SPAG16: variants seen among roughly 807,000 people sequenced by gnomAD.
SPAG16 encodes sperm-associated antigen 16 protein.
In SPAG16, 86 loss-of-function variants were observed where a neutral mutation model predicts 80.4. That is an observed-to-expected ratio of 1.07 (90% confidence interval 0.90 to 1.28). SPAG16 has a LOEUF of 1.28. Among genes scored for constraint, SPAG16 ranks in the 50% most tolerant of loss-of-function variants. The pLI, the probability that SPAG16 is intolerant of heterozygous loss-of-function variation, is 0.00. For synonymous variants in SPAG16, 294 were observed against 265.9 expected, an observed-to-expected ratio of 1.11 and a Z score of -1.03; for missense variants, 870 against 765.3, an observed-to-expected ratio of 1.14 and a Z score of -1.61.
intron 15 of SPAG16, among the ~76,000 whole-genome samples, chr2:214,221,761 C>A (rs2058576467): frequency 6.6e-6 from 1 of 151,972 alleles, no homozygotes; most frequent in Admixed American, 6.6e-5. Flanking sequence ...AAAAATATTT[C>A]ATGTTATTTT....
chr2:213,991,067 C>T (rs142102853), intron 12 of SPAG16, among the ~76,000 whole-genome samples: 126 of 152,048 alleles, frequency 8.3e-4, no homozygotes, highest in African/African-American at 2.7e-3. Context: ...AGGTTTGCTA[C>T]GTAGGTATAC....
chr2:213,914,949 C>T (rs1489895252), intron 11 of SPAG16, among the ~76,000 whole-genome samples: 2 of 152,008 alleles, frequency 1.3e-5, no homozygotes, highest in African/African-American at 4.8e-5. Context: ...AGCCTATTCT[C>T]ACACTGCTGA....
chr2:213,341,745 T>C (rs1170225206), intron 6 of SPAG16, among the ~76,000 whole-genome samples: 1 of 152,132 alleles, frequency 6.6e-6, no homozygotes, highest in Non-Finnish European at 1.5e-5. Context: ...CTCACTTTGT[T>C]GATCAGGTTG....
intron 10 of SPAG16, among the ~76,000 whole-genome samples, chr2:213,710,051 G>A (rs1290248017): frequency 1.3e-5 from 2 of 152,052 alleles, no homozygotes; most frequent in Admixed American, 6.6e-5. Flanking sequence ...GGCGGATCAC[G>A]AGGCAGGCAG....
At chr2:214,003,597 A>G (rs538981327) in intron 12 of SPAG16, among the ~76,000 whole-genome samples, 2 of 152,314 alleles carry the variant, frequency 1.3e-5, no homozygotes, top group East Asian at 1.9e-4. Context: ...AGGCAGTTAT[A>G]TTCTATAAAG....
At chr2:213,847,310 A>C (rs2074679977) in intron 10 of SPAG16, among the ~76,000 whole-genome samples, 1 of 152,158 alleles carries the variant, frequency 6.6e-6, no homozygotes, top group Non-Finnish European at 1.5e-5. Context: ...TTTATAAAGA[A>C]AAGAGGTTTA....
intron 9 of SPAG16, among the ~76,000 whole-genome samples, chr2:213,442,006 G>C (rs1032316822): frequency 1.3e-5 from 2 of 152,188 alleles, no homozygotes; most frequent in Non-Finnish European, 2.9e-5. Context: ...TAAAAAGTTA[G>C]CCGTAGTGGC....
intron 15 of SPAG16, among the ~76,000 whole-genome samples, chr2:214,352,163 C>CA (rs1221255780): frequency 5.9e-5 from 9 of 152,176 alleles, no homozygotes; most frequent in African/African-American, 2.2e-4. Context: ...GGTCCCACCT[C>CA]TTAATACCAT....
intron 8 of SPAG16, among the ~76,000 whole-genome samples, chr2:213,370,215 T>G (rs886274109): frequency 6.6e-6 from 1 of 152,204 alleles, no homozygotes; most frequent in Admixed American, 6.5e-5. Flanking sequence ...ATGTTTATAG[T>G]GGATCCTACA....
intron 10 of SPAG16, among the ~76,000 whole-genome samples, chr2:213,746,240 T>C (rs923609639): frequency 1.3e-5 from 2 of 152,236 alleles, no homozygotes; most frequent in Non-Finnish European, 2.9e-5. Flanking sequence ...TTAAGTGCCA[T>C]CCATCTAAAG....
At position 213,364,130 on chromosome 2, in the gene SPAG16, G is replaced by T; in HGVS notation, c.817G>T (p.Gly273Cys). Residue 273 changes from glycine to cysteine, a missense_variant, in exon 8 of 16, where the codon GGT becomes TGT. Gly to Cys is a radical substitution (Grantham distance 159). Coordinates refer to ENST00000331683, the MANE Select transcript of SPAG16 (RefSeq NM_024532.5). ...KKLQRGHSYH[G>C]PQIKVDHSRE... ...ACTGCAAAGAGGACATAGTTACCAT[G>T]GTCCTCAAATTAAAGGTAAATGTAA... 2 of 1,518,120 alleles carry T rather than the reference G, an allele frequency of 1.3e-6. No homozygotes were observed. The highest frequency in any genetic ancestry group is 2.7e-5 in the South Asian group (2 of 73,658). The allele number at this position is 1,518,120 out of a possible 1,614,324, so 94.0% of individuals were successfully genotyped here.
intron 9 of SPAG16, among the ~76,000 whole-genome samples, chr2:213,452,795 T>A (rs768541268): frequency 7.2e-5 from 11 of 152,244 alleles, no homozygotes; most frequent in Non-Finnish European, 1.5e-4. Context: ...GGCCTTTGCA[T>A]ATGCCCTAAC....
At chr2:214,079,583 C>T (rs2051259911) in intron 13 of SPAG16, among the ~76,000 whole-genome samples, 1 of 152,162 alleles carries the variant, frequency 6.6e-6, no homozygotes, top group African/African-American at 2.4e-5. Flanking sequence ...TCAAGCAATA[C>T]CTAGAACCTG....
chr2:213,348,770 T>C (rs2065156869), intron 6 of SPAG16, among the ~76,000 whole-genome samples: 1 of 152,242 alleles, frequency 6.6e-6, no homozygotes, highest in African/African-American at 2.4e-5. Context: ...TGGGCTTCCC[T>C]TTGTGACTAA....
At chr2:214,244,866 T>A (rs1549116) in intron 15 of SPAG16, among the ~76,000 whole-genome samples, 48,371 of 151,938 alleles carry the variant, frequency 0.32, 7,861 homozygotes, top group East Asian at 0.5. Flanking sequence ...TGTTTAGAAG[T>A]TTCTGTAGTC....
intron 15 of SPAG16, among the ~76,000 whole-genome samples, chr2:214,356,096 G>A (rs986667129): frequency 9.9e-5 from 15 of 151,028 alleles, no homozygotes; most frequent in African/African-American, 3.2e-4. Context: ...TGGAAATGAC[G>A]AGTTAATGAG....
Position 213,317,288 on chromosome 2 carries a change from G to T in SPAG16, c.468G>T (p.Gln156His), listed in dbSNP as rs1047599633. The T allele has an allele frequency of 1.2e-5, 19 of 1,611,196 alleles. No homozygotes were observed. Among genetic ancestry groups the T allele is most frequent in the Non-Finnish European group, 1.4e-5 (17 of 1,178,278 alleles). The change falls in exon 5 of 16, where the codon CAG (glutamine) becomes CAT (histidine). Residue 156 changes from glutamine to histidine, a missense_variant. Physicochemically the swap from Gln to His is conservative, Grantham distance 24. Coordinates refer to ENST00000331683, the MANE Select transcript of SPAG16 (RefSeq NM_024532.5). Reference protein sequence around the residue: ...TVGNVPDVYTQIMLLENENKN... With the variant: ...TVGNVPDVYTHIMLLENENKN... ...GGAATGTTCCAGATGTCTACACCCA[G>T]ATTATGCTTTTGGAAAATGAGAACA...
At chr2:214,229,274 G>A (rs989555878) in intron 15 of SPAG16, among the ~76,000 whole-genome samples, 2 of 151,826 alleles carry the variant, frequency 1.3e-5, no homozygotes, top group Admixed American at 6.6e-5. Context: ...AGAGGAGGCA[G>A]GTGGTTCCTG....
chr2:213,432,781 C>T (rs1201482915), intron 9 of SPAG16, among the ~76,000 whole-genome samples: 2 of 152,040 alleles, frequency 1.3e-5, no homozygotes, highest in African/African-American at 4.8e-5. Flanking sequence ...TACCAAAGAC[C>T]AGAGAGGACA....
Sources: allele counts gnomAD v4.1 joint callset (sites outside exome capture counted in the v4.1 genomes callset), GRCh38; gene constraint gnomAD v4.1.1; transcripts MANE v1.5; gene names NCBI Gene and HGNC (gene_info 2026-07-23, HGNC 2026-07-21).